The following REEP1 variants were observed in gnomAD, a reference collection of about 807,000 sequenced individuals.
REEP1 encodes the protein receptor expression-enhancing protein 1.
REEP1 carries 22 observed loss-of-function variants against 40.3 expected under a neutral mutation model. The observed-to-expected ratio is 0.55, with a 90% CI of 0.39 to 0.78. The LOEUF (loss-of-function observed/expected upper bound fraction) is 0.78. Ranked by LOEUF, REEP1 falls within the 30% of genes least tolerant of loss-of-function variation. The probability of loss-of-function intolerance (pLI) is 0.00; values close to 1 mark genes in which losing one functional copy is unlikely to be tolerated. For missense variants in REEP1, 280 were observed against 361.1 expected (o/e 0.78, Z 1.82); for synonymous variants, 116 against 139.2 (o/e 0.83, Z 1.17).
In REEP1 at chr2:86,337,211, G is replaced by C; in HGVS notation, c.32+268C>G. The C allele has an allele frequency of 4.8e-6, 1 of 206,958 alleles. No homozygotes were observed. Among genetic ancestry groups the C allele is most frequent in the Non-Finnish European group, 9.6e-6 (1 of 104,526 alleles). The allele number at this position is 206,958 out of a possible 1,614,324, so 12.8% of individuals were successfully genotyped here. Reference sequence around the variant, plus strand: ...GCGCGCGGCGAGACGCAGCCCCCACGGAACCCCCGAGCGCCCCAGCCCTCG... The same window carrying C: ...GCGCGCGGCGAGACGCAGCCCCCACCGAACCCCCGAGCGCCCCAGCCCTCG... On this transcript the variant is annotated intron_variant, in intron 1 of 8. Coordinates refer to ENST00000538924, the MANE Select transcript of REEP1 (RefSeq NM_001371279.1). This position sits in a 1 kb window ranked among gnomAD's most constrained non-coding sequence, Gnocchi z 5.8.
In REEP1 at chr2:86,337,131, GGT is replaced by G. The variant is rs1558944759; in HGVS notation, c.32+346_32+347del. On this transcript the variant is annotated intron_variant, in intron 1 of 8. Coordinates refer to ENST00000538924, the MANE Select transcript of REEP1 (RefSeq NM_001371279.1). This position sits in a 1 kb window ranked among gnomAD's most constrained non-coding sequence, Gnocchi z 5.8. ...CCAAAGGAGAGAGACGCGTGTCCGC[GGT>G]GCGCCCATTCGGGGCCTCTGCAAAT... is the stretch of plus-strand genomic sequence containing the variant. 1 of 157,492 alleles carries G rather than the reference GGT, an allele frequency of 6.3e-6. No individual in the cohort carries two copies. The highest frequency in any genetic ancestry group is 1.4e-5 in the Non-Finnish European group (1 of 71,590). The allele number at this position is 157,492 out of a possible 1,614,324, so 9.8% of individuals were successfully genotyped here.
intron 2 of REEP1, among the ~76,000 whole-genome samples, chr2:86,271,114 C>T (rs1677420529): frequency 6.6e-6 from 1 of 151,884 alleles, no homozygotes; most frequent in African/African-American, 2.4e-5. Context: ...ATTGCTTGAA[C>T]CCGGGAGGCA....
chr2:86,232,559 C>T (rs1023060809), intron 6 of REEP1, 66 bp downstream of exon 6: 2 of 1,570,372 alleles, frequency 1.3e-6, no homozygotes, highest in Admixed American at 1.7e-5. Context: ...ACACTGCGGA[C>T]TGGGCCTCTC....
Position 86,337,535 on chromosome 2 carries a change from C to A in REEP1, c.-25G>T. On this transcript the variant is annotated 5_prime_UTR_variant, in exon 1 of 9. Coordinates refer to ENST00000538924, the MANE Select transcript of REEP1 (RefSeq NM_001371279.1). This position sits in a 1 kb window ranked among gnomAD's most constrained non-coding sequence, Gnocchi z 5.8. ...TGGCGGGCAGGCGGGCGGGCGAGGCCCGGGCGGCGCGGCTCGGCTAGGCTG... is the reference window on the plus strand; with the variant it reads ...TGGCGGGCAGGCGGGCGGGCGAGGCACGGGCGGCGCGGCTCGGCTAGGCTG... The A allele has an allele frequency of 1.6e-6, 2 of 1,246,300 alleles. No individual in the cohort carries two copies. Among genetic ancestry groups the A allele is most frequent in the Non-Finnish European group, 1.0e-6 (1 of 993,784 alleles). The allele number at this position is 1,246,300 out of a possible 1,614,324, so 77.2% of individuals were successfully genotyped here.
Position 86,232,733 on chromosome 2 carries a change from C to T in REEP1, c.487G>A (p.Gly163Ser), listed in dbSNP as rs755725730. Residue 163 changes from glycine (G) to serine (S), a missense_variant, in exon 6 of 9, where the codon GGC becomes AGC. By Grantham distance (56) the Gly-to-Ser change is moderately conservative. Transcript: ENST00000538924. ...GGGGGGCCCGAGGGAGCAGGGGCGC[C>T]GTCTCCCCTGATGGTGGTGAGGTCC... ...MQDLTTIRGDGAPAPSGPPPP... is the reference protein window; with the variant it reads ...MQDLTTIRGDSAPAPSGPPPP... 18 of 1,608,744 alleles carry T rather than the reference C, an allele frequency of 1.1e-5. No homozygotes were observed. Among genetic ancestry groups the T allele is most frequent in the East Asian group, 4.5e-5 (2 of 44,888 alleles).
chr2:86,327,031 T>C (rs1018949273), intron 1 of REEP1, among the ~76,000 whole-genome samples: 4 of 152,258 alleles, frequency 2.6e-5, no homozygotes, highest in African/African-American at 9.6e-5. Flanking sequence ...GGTCCCCATC[T>C]TCCTTGTCTG....
At chr2:86,318,395 CTTTTCTT>C in intron 1 of REEP1, among the ~76,000 whole-genome samples, 1 of 126,340 alleles carries the variant, frequency 7.9e-6, no homozygotes, top group African/African-American at 2.7e-5. Flanking sequence ...CTTTTCTTTT[CTTTTCTT>C]TTTTTTTTTT....
rs140175239 is a variant in REEP1, at chr2:86,231,112, C to T, written c.595+1513G>A. ...AAGGCCACGCTCTACTGCAGCCCAG[C>T]ATGGGTGACCCTGCACAGTCCCCTT... On this transcript the variant is annotated intron_variant, in intron 6 of 8. Coordinates refer to ENST00000538924, the MANE Select transcript of REEP1 (RefSeq NM_001371279.1). 1.7e-3 allele frequency among the ~76,000 whole-genome samples: 262 copies of T among 152,368 alleles called. 4 individuals are homozygous for T. Among genetic ancestry groups the T allele is most frequent in the African/African-American group, 6.1e-3 (252 of 41,592 alleles).
intron 6 of REEP1, among the ~76,000 whole-genome samples, chr2:86,230,816 G>A (rs936952904): frequency 2.0e-5 from 3 of 152,200 alleles, no homozygotes; most frequent in Non-Finnish European, 1.5e-5. Flanking sequence ...GTCATGCGGC[G>A]AGCAAGTGGC....
chr2:86,287,909 A>C lies in REEP1; in HGVS notation c.33-5667T>G, dbSNP rs148651018. Among the ~76,000 whole-genome samples the C allele has an allele frequency of 9.2e-3, 1,400 of 152,352 alleles. 27 individuals carry two copies. The highest frequency in any genetic ancestry group is 0.032 in the African/African-American group (1,322 of 41,570). On this transcript the variant is annotated intron_variant, in intron 1 of 8. Coordinates refer to ENST00000538924, the MANE Select transcript of REEP1 (RefSeq NM_001371279.1). ...CCTGTTTACATCTTCTACAAATGGAATCACACTAGATGTATTCCACTGTGA... is the reference window on the plus strand; with the variant it reads ...CCTGTTTACATCTTCTACAAATGGACTCACACTAGATGTATTCCACTGTGA...
chr2:86,325,902 T>C (rs973164846), intron 1 of REEP1, among the ~76,000 whole-genome samples: 2 of 152,236 alleles, frequency 1.3e-5, no homozygotes, highest in African/African-American at 4.8e-5. Context: ...CCTCTTCGTC[T>C]CAGATTGTTT....
intron 1 of REEP1, among the ~76,000 whole-genome samples, chr2:86,295,587 T>C (rs535914493): frequency 3.9e-5 from 6 of 152,316 alleles, no homozygotes; most frequent in African/African-American, 1.4e-4. Context: ...TGCTTCGGTG[T>C]GATCTCCACT....
At chr2:86,337,631 G>T (rs1681115237), upstream of REEP1, 2 of 1,088,566 alleles carry the variant, frequency 1.8e-6, no homozygotes, top group East Asian at 1.1e-4. This position sits in a 1 kb window ranked among gnomAD's most constrained non-coding sequence, Gnocchi z 5.8. Flanking sequence ...CAGACTGAGC[G>T]CGCCCGCCGC....
At chr2:86,262,109 C>T (rs1676890921) in intron 3 of REEP1, among the ~76,000 whole-genome samples, 1 of 152,248 alleles carries the variant, frequency 6.6e-6, no homozygotes, top group African/African-American at 2.4e-5. Flanking sequence ...ACTAAGGGAA[C>T]TCAGAAGCTG....
intron 3 of REEP1, among the ~76,000 whole-genome samples, chr2:86,259,092 G>T (rs936845741): frequency 1.3e-5 from 2 of 152,158 alleles, no homozygotes; most frequent in Admixed American, 6.5e-5. Flanking sequence ...CGGATCACAA[G>T]TTCAGGAGAT....
intron 1 of REEP1, among the ~76,000 whole-genome samples, chr2:86,313,143 T>C (rs1309514197): frequency 6.6e-6 from 1 of 152,130 alleles, no homozygotes; most frequent in Non-Finnish European, 1.5e-5. Context: ...AGAGTCTTGC[T>C]CCGTCACCCA....
At chr2:86,309,841 C>CA (rs1426588751) in intron 1 of REEP1, among the ~76,000 whole-genome samples, 1 of 152,158 alleles carries the variant, frequency 6.6e-6, no homozygotes, top group Non-Finnish European at 1.5e-5. Context: ...ATCAGAACTT[C>CA]AAAATACGAA....
At chr2:86,273,450 G>GT (rs1356878357) in intron 2 of REEP1, among the ~76,000 whole-genome samples, 1 of 151,914 alleles carries the variant, frequency 6.6e-6, no homozygotes. Flanking sequence ...AGGCTGGCCA[G>GT]TTTTTTTGTA....
In REEP1 at chr2:86,278,540, ATG is replaced by A. The variant is rs550380875; in HGVS notation, c.105+3628_105+3629del. On this transcript the variant is annotated intron_variant, in intron 2 of 8. Coordinates refer to ENST00000538924, the MANE Select transcript of REEP1 (RefSeq NM_001371279.1). ...AATGTGGGTAAAGGAATGGATGTGGATGTAGTTTGGGGTAGCCTAAGAGGCAG... is the reference window on the plus strand; with the variant it reads ...AATGTGGGTAAAGGAATGGATGTGGATAGTTTGGGGTAGCCTAAGAGGCAG... Among the ~76,000 whole-genome samples, 99 of 152,264 alleles carry A rather than the reference ATG, an allele frequency of 6.5e-4. 1 individual carries two copies. The highest frequency in any genetic ancestry group is 2.3e-3 in the African/African-American group (95 of 41,538).
Sources: gnomAD v4.1 joint callset for allele counts (sites outside exome capture counted in the v4.1 genomes callset) on GRCh38, gnomAD v4.1.1 for gene constraint, Gnocchi (gnomAD v3.1) non-coding constraint, MANE v1.5 for transcripts, NCBI Gene and HGNC (gene_info 2026-07-23, HGNC 2026-07-21) for gene names.